Variants in TRAPPC6A observed in about 807,000 individuals in gnomAD.
TRAPPC6A encodes trafficking protein particle complex subunit 6A.
Under a neutral mutation model 20.8 loss-of-function variants are expected in TRAPPC6A, and 25 were observed. That is an observed-to-expected ratio of 1.20 (90% CI 0.88 to 1.68). The LOEUF is 1.68. TRAPPC6A is among the 40% of genes most tolerant of loss of function. The probability of loss-of-function intolerance (pLI) is 0.00; values close to 1 mark genes in which losing one functional copy is unlikely to be tolerated. For missense variants in TRAPPC6A, 215 were observed against 211.6 expected, an observed-to-expected ratio of 1.02 and a Z score of -0.10; for synonymous variants, 96 against 93.3, an observed-to-expected ratio of 1.03 and a Z score of -0.16.
intron 1 of TRAPPC6A, among the ~76,000 whole-genome samples, chr19:45,168,294 C>T (rs767708789): frequency 2.0e-5 from 3 of 152,248 alleles, no homozygotes; most frequent in Non-Finnish European, 2.9e-5. Flanking sequence ...TGAGCCACCG[C>T]GCCCGGCCCT....
chr19:45,171,922 A>G (rs150685845), intron 1 of TRAPPC6A, among the ~76,000 whole-genome samples: 1,532 of 152,308 alleles, frequency 0.01, 16 homozygotes, highest in South Asian at 0.031. Flanking sequence ...AATGGGTGAC[A>G]GCGCCTTAGC....
At chr19:45,174,464 C>A (rs1418977983) in intron 1 of TRAPPC6A, among the ~76,000 whole-genome samples, 1 of 152,134 alleles carries the variant, frequency 6.6e-6, no homozygotes, top group Non-Finnish European at 1.5e-5. Context: ...AGGCCCATCC[C>A]GCACAAAGTA....
At position 45,163,338 on chromosome 19, in the gene TRAPPC6A, G is replaced by T; in HGVS notation, c.449-115C>A. 1 of 1,194,712 alleles carries T rather than the reference G, an allele frequency of 8.4e-7. No homozygotes were observed. The highest frequency in any genetic ancestry group is 1.2e-6 in the Non-Finnish European group (1 of 825,512). The allele number at this position is 1,194,712 out of a possible 1,614,324, so 74.0% of individuals were successfully genotyped here. On this transcript the variant is annotated intron_variant, in intron 5 of 5. Transcript: ENST00000585934. The surrounding 1 kb of genome is among the most constrained non-coding windows in gnomAD (Gnocchi z 5.3). Reference sequence around the variant, plus strand: ...CACTGACACCCCAGTGGCTAGGTTGGGCTGTTTCCTCCCGCCCACGGGGCC... The same window carrying T: ...CACTGACACCCCAGTGGCTAGGTTGTGCTGTTTCCTCCCGCCCACGGGGCC...
intron 1 of TRAPPC6A, among the ~76,000 whole-genome samples, chr19:45,174,758 G>C (rs1431230854): frequency 6.6e-6 from 1 of 152,010 alleles, no homozygotes; most frequent in East Asian, 1.9e-4. Context: ...GAGCCCAGGA[G>C]TGTGAGGCTA....
chr19:45,163,890 G>T lies in TRAPPC6A; in HGVS notation c.448+26C>A. On this transcript the variant is annotated intron_variant, in intron 5 of 5. Coordinates refer to ENST00000585934, the MANE Select transcript of TRAPPC6A (RefSeq NM_001270891.2). The surrounding 1 kb of genome is among the most constrained non-coding windows in gnomAD (Gnocchi z 5.3). ...CCCCCAGCAACTCAAGGGATGAGAAGAATCCCCCCACCCCCCATGACTCAC... is the reference window on the plus strand; with the variant it reads ...CCCCCAGCAACTCAAGGGATGAGAATAATCCCCCCACCCCCCATGACTCAC... 1 of 1,547,800 alleles carries T rather than the reference G, an allele frequency of 6.5e-7. No individual in the cohort carries two copies. The highest frequency in any genetic ancestry group is 8.8e-7 in the Non-Finnish European group (1 of 1,141,004).
chr19:45,163,128 C>T lies in TRAPPC6A; in HGVS notation c.*64G>A. 1 of 1,591,492 alleles carries T rather than the reference C, an allele frequency of 6.3e-7. No individual in the cohort carries two copies. Among genetic ancestry groups the T allele is most frequent in the Admixed American group, 1.7e-5 (1 of 59,562 alleles). ...AAGACCACCCCGAAATGCAGCGGCC[C>T]CACCGTCTCCTGAGGCCGGTGAGGC... On this transcript the variant is annotated 3_prime_UTR_variant, in exon 6 of 6. Transcript: ENST00000585934. This position sits in a 1 kb window ranked among gnomAD's most constrained non-coding sequence, Gnocchi z 5.3.
chr19:45,177,197 A>G (rs1038471669), intron 1 of TRAPPC6A, among the ~76,000 whole-genome samples: 7 of 122,776 alleles, frequency 5.7e-5, no homozygotes, highest in African/African-American at 1.5e-4. Context: ...GCGCGCACAC[A>G]CACACACACA....
Position 45,176,285 on chromosome 19 carries a change from C to G in TRAPPC6A, c.84+1850G>C, listed in dbSNP as rs1312776049. On this transcript the variant is annotated intron_variant, in intron 1 of 5. Coordinates refer to ENST00000585934, the MANE Select transcript of TRAPPC6A (RefSeq NM_001270891.2). ...TGGCTAACATGGTGAAACCCCATCT[C>G]TACTAAAAATACAAAAAAAAAAAAC... Among the ~76,000 whole-genome samples the G allele has an allele frequency of 2.0e-5, 3 of 149,244 alleles. No homozygotes were observed. The Admixed American group carries it at 2.0e-4, about 10-fold the overall frequency.
rs1969043792 is a variant in TRAPPC6A, at chr19:45,163,073, C to G, written c.*119G>C. ...CTCAATTTGATACCCACTTCCTGAGCAAATGTGACCCCTAGGGCCTGGGAT... is the reference window on the plus strand; with the variant it reads ...CTCAATTTGATACCCACTTCCTGAGGAAATGTGACCCCTAGGGCCTGGGAT... On this transcript the variant is annotated 3_prime_UTR_variant, in exon 6 of 6. Transcript: ENST00000585934. This position sits in a 1 kb window ranked among gnomAD's most constrained non-coding sequence, Gnocchi z 5.3. 1 of 1,221,764 alleles carries G rather than the reference C, an allele frequency of 8.2e-7. No individual in the cohort carries two copies. Among genetic ancestry groups the G allele is most frequent in the African/African-American group, 1.5e-5 (1 of 65,808 alleles). 75.7% of individuals were successfully genotyped at this position (1,221,764 alleles called of 1,614,324 possible).
chr19:45,175,656 C>T (rs140258839), intron 1 of TRAPPC6A, among the ~76,000 whole-genome samples: 1 of 152,166 alleles, frequency 6.6e-6, no homozygotes, highest in East Asian at 1.9e-4. Flanking sequence ...GGAGCAGGCT[C>T]ATTTCACAGG....
At chr19:45,164,765 C>G (rs530831099) in intron 3 of TRAPPC6A, 88 bp downstream of exon 3, 10 of 1,281,458 alleles carry the variant, frequency 7.8e-6, no homozygotes, top group Non-Finnish European at 1.0e-5. Context: ...TCCCGGCAGC[C>G]GCTGCTCTGG....
At chr19:45,170,443 G>A (rs28367893) in intron 1 of TRAPPC6A, among the ~76,000 whole-genome samples, 13,761 of 152,248 alleles carry the variant, frequency 0.09, 702 homozygotes, top group South Asian at 0.14. Flanking sequence ...AGCAGGAGTG[G>A]GCTGTGAAGG....
chr19:45,168,074 C>T (rs1969196210), intron 1 of TRAPPC6A, among the ~76,000 whole-genome samples: 1 of 144,360 alleles, frequency 6.9e-6, no homozygotes, highest in Admixed American at 7.1e-5. Context: ...GCAATCTCGG[C>T]TCACTGCAAG....
At chr19:45,177,205 A>ACACACG (rs1969403999) in intron 1 of TRAPPC6A, among the ~76,000 whole-genome samples, 1 of 148,700 alleles carries the variant, frequency 6.7e-6, no homozygotes, top group Non-Finnish European at 1.5e-5. Flanking sequence ...ACACACACAC[A>ACACACG]CACACACACA....
At position 45,178,118 on chromosome 19, in the gene TRAPPC6A, C is replaced by A. The variant is rs769790479; in HGVS notation, c.84+17G>T. 5.0e-6 allele frequency: 8 copies of A among 1,613,150 alleles called. No individual in the cohort carries two copies. The highest frequency in any genetic ancestry group is 1.1e-5 in the South Asian group (1 of 91,002). On this transcript the variant is annotated intron_variant, in intron 1 of 5. Coordinates refer to ENST00000585934, the MANE Select transcript of TRAPPC6A (RefSeq NM_001270891.2). Reference sequence around the variant, plus strand: ...CTTGGTGGCCCCCGCTTCCTCCCCACGGAGCCCGGCGCTCACCCCCGGGCC... The same window carrying A: ...CTTGGTGGCCCCCGCTTCCTCCCCAAGGAGCCCGGCGCTCACCCCCGGGCC...
chr19:45,177,961 C>T (rs1568468520), intron 1 of TRAPPC6A, 174 bp downstream of exon 1: 9 of 1,245,498 alleles, frequency 7.2e-6, no homozygotes, highest in Non-Finnish European at 9.8e-6. Context: ...GCAATAACCC[C>T]GAGCCGGCAC....
intron 1 of TRAPPC6A, among the ~76,000 whole-genome samples, chr19:45,174,338 CCA>C (rs772681557): frequency 1.2e-4 from 18 of 152,112 alleles, no homozygotes; most frequent in Non-Finnish European, 2.1e-4. Context: ...CAAATGAATC[CCA>C]GTCCCCACCC....
intron 1 of TRAPPC6A, among the ~76,000 whole-genome samples, chr19:45,169,094 C>T (rs1242651860): frequency 1.3e-5 from 2 of 152,160 alleles, no homozygotes; most frequent in Non-Finnish European, 2.9e-5. Context: ...ATGGAAGGGG[C>T]CGATGACTGC....
chr19:45,163,073 C>A lies in TRAPPC6A; in HGVS notation c.*119G>T. On this transcript the variant is annotated 3_prime_UTR_variant, in exon 6 of 6. Coordinates refer to ENST00000585934, the MANE Select transcript of TRAPPC6A (RefSeq NM_001270891.2). The surrounding 1 kb of genome is among the most constrained non-coding windows in gnomAD (Gnocchi z 5.3). ...CTCAATTTGATACCCACTTCCTGAGCAAATGTGACCCCTAGGGCCTGGGAT... is the reference window on the plus strand; with the variant it reads ...CTCAATTTGATACCCACTTCCTGAGAAAATGTGACCCCTAGGGCCTGGGAT... The A allele has an allele frequency of 8.2e-7, 1 of 1,221,882 alleles. No homozygotes were observed. Among genetic ancestry groups the A allele is most frequent in the Non-Finnish European group, 1.2e-6 (1 of 862,066 alleles). 75.7% of individuals were successfully genotyped at this position (1,221,882 alleles called of 1,614,324 possible).
Sources: allele counts gnomAD v4.1 joint callset (sites outside exome capture counted in the v4.1 genomes callset), GRCh38; gene constraint gnomAD v4.1.1; non-coding constraint Gnocchi (gnomAD v3.1); transcripts MANE v1.5; gene names NCBI Gene and HGNC (gene_info 2026-07-23, HGNC 2026-07-21).